TYW1: variants seen among roughly 807,000 people sequenced by gnomAD.
TYW1 encodes tRNA-yW synthesizing protein 1 homolog, also known as S-adenosyl-L-methionine-dependent tRNA 4-demethylwyosine synthase TYW1.
TYW1 carries 46 observed loss-of-function variants against 96.2 expected under a neutral mutation model. The observed-to-expected ratio is 0.48, with a 90% CI of 0.38 to 0.61. The LOEUF (loss-of-function observed/expected upper bound fraction) is 0.61. Among genes scored for constraint, TYW1 ranks in the 20% least tolerant of loss-of-function variants. The probability of loss-of-function intolerance (pLI) is 0.00; values close to 1 mark genes in which losing one functional copy is unlikely to be tolerated. For missense variants in TYW1, 684 were observed against 909.6 expected (o/e 0.75, Z 3.19); for synonymous variants, 274 against 323.0 (o/e 0.85, Z 1.63).
At chr7:67,181,981 G>A (rs1173128952) in intron 13 of TYW1, among the ~76,000 whole-genome samples, 6 of 151,820 alleles carry the variant, frequency 4.0e-5, no homozygotes, top group African/African-American at 7.3e-5. Context: ...GGTGCATGCC[G>A]CCACGCCTGG....
chr7:67,203,172 C>T (rs1389666914), intron 15 of TYW1, among the ~76,000 whole-genome samples: 1 of 152,212 alleles, frequency 6.6e-6, no homozygotes, highest in Non-Finnish European at 1.5e-5. Flanking sequence ...CGCTAATCTC[C>T]TCCATCTCTG....
intron 10 of TYW1, among the ~76,000 whole-genome samples, chr7:67,083,064 C>T (rs780715434): frequency 3.9e-5 from 6 of 152,116 alleles, no homozygotes; most frequent in Non-Finnish European, 5.9e-5. Flanking sequence ...TTCCAGCTGT[C>T]GTCACTCACT....
chr7:67,086,701 T>C (rs2687006), intron 11 of TYW1, among the ~76,000 whole-genome samples: 1 of 152,234 alleles, frequency 6.6e-6, no homozygotes, highest in Admixed American at 6.5e-5. Flanking sequence ...TTGGATGAGG[T>C]CCATCCACAT....
intron 13 of TYW1, among the ~76,000 whole-genome samples, chr7:67,142,231 G>GA (rs34397964): frequency 0.26 from 39,325 of 151,688 alleles, 5,583 homozygotes; most frequent in African/African-American, 0.38. Context: ...GAGCAGCTGA[G>GA]ACTACAGGCA....
chr7:67,012,447 A>G (rs1793844908), intron 4 of TYW1, among the ~76,000 whole-genome samples: 1 of 152,118 alleles, frequency 6.6e-6, no homozygotes, highest in South Asian at 2.1e-4. Flanking sequence ...AACTCTGTCC[A>G]TTTCTTTGTC....
At chr7:67,216,802 T>C (rs1801208829) in intron 15 of TYW1, among the ~76,000 whole-genome samples, 1 of 151,242 alleles carries the variant, frequency 6.6e-6, no homozygotes, top group African/African-American at 2.4e-5. Context: ...TCTAAGTTTG[T>C]TACAATTTCC....
At chr7:67,207,855 G>A (rs1300460792) in intron 15 of TYW1, among the ~76,000 whole-genome samples, 1 of 151,476 alleles carries the variant, frequency 6.6e-6, no homozygotes, top group Non-Finnish European at 1.5e-5. Flanking sequence ...TAAGTAACTG[G>A]GACTACAGGT....
chr7:67,141,066 T>C (rs2116112113), intron 13 of TYW1, among the ~76,000 whole-genome samples: 1 of 152,342 alleles, frequency 6.6e-6, no homozygotes, highest in Admixed American at 6.5e-5. Context: ...ATTTTCTATT[T>C]TGTAGGTTAT....
intron 13 of TYW1, among the ~76,000 whole-genome samples, chr7:67,161,490 T>C (rs1799161223): frequency 6.6e-6 from 1 of 152,208 alleles, no homozygotes; most frequent in Admixed American, 6.5e-5. Flanking sequence ...TGCAGGCTCA[T>C]CTTGAGTAGG....
intron 8 of TYW1, among the ~76,000 whole-genome samples, chr7:67,054,787 G>C (rs947092508): frequency 6.6e-6 from 1 of 152,152 alleles, no homozygotes; most frequent in African/African-American, 2.4e-5. Flanking sequence ...GGTATTGAAT[G>C]CTTTCTGAAA....
At chr7:67,160,333 CAT>C (rs933215308) in intron 13 of TYW1, among the ~76,000 whole-genome samples, 19 of 152,106 alleles carry the variant, frequency 1.2e-4, no homozygotes, top group Non-Finnish European at 1.8e-4. Context: ...ATTTTTGTTA[CAT>C]GTGTCTATTG....
At chr7:67,069,312 C>G (rs1326540876) in intron 10 of TYW1, among the ~76,000 whole-genome samples, 1 of 152,212 alleles carries the variant, frequency 6.6e-6, no homozygotes, top group Non-Finnish European at 1.5e-5. Flanking sequence ...ATAAACAGCT[C>G]TGTCCCTCCT....
chr7:67,023,913 A>G (rs1412780397), intron 6 of TYW1, among the ~76,000 whole-genome samples: 1 of 152,210 alleles, frequency 6.6e-6, no homozygotes, highest in East Asian at 1.9e-4. Context: ...TTCCTCATCT[A>G]TGAGATGATG....
intron 13 of TYW1, among the ~76,000 whole-genome samples, chr7:67,154,775 A>C (rs1030152574): frequency 4.6e-5 from 7 of 152,086 alleles, no homozygotes; most frequent in African/African-American, 1.7e-4. Flanking sequence ...TAGGTTTTTT[A>C]TGCCTTTGTC....
intron 13 of TYW1, among the ~76,000 whole-genome samples, chr7:67,143,847 T>C (rs1173858152): frequency 6.6e-6 from 1 of 152,212 alleles, no homozygotes. Context: ...CAAGTAATCA[T>C]TTGACAGAAG....
rs771706552 is a variant in TYW1 at position 67,226,276 on chromosome 7, G to A, written c.1978-12032G>A. 2.6e-5 allele frequency among the ~76,000 whole-genome samples: 4 copies of A among 152,150 alleles called. No homozygotes were observed. In the East Asian group the frequency reaches 7.7e-4, roughly 29 times the overall value. The stretch of plus-strand genomic sequence containing the variant: ...CAAACCTCCTTCTTGCTAGGGACCC[G>A]ATGGCCTTTGTAGGACTAAGAAATT... On this transcript the variant is annotated intron_variant, in intron 15 of 15. Coordinates refer to ENST00000359626, the MANE Select transcript of TYW1 (RefSeq NM_018264.4).
chr7:67,197,892 T>G, intron 15 of TYW1, among the ~76,000 whole-genome samples: 1 of 151,672 alleles, frequency 6.6e-6, no homozygotes, highest in Non-Finnish European at 1.5e-5. Context: ...GCCATTTGCT[T>G]GTTCTCTTGC....
intron 13 of TYW1, among the ~76,000 whole-genome samples, chr7:67,141,049 AG>A (rs1798432789): frequency 6.6e-6 from 1 of 152,214 alleles, no homozygotes; most frequent in Non-Finnish European, 1.5e-5. Context: ...TAACCTAGAA[AG>A]CTAGTATTTT....
chr7:67,062,630 C>T (rs1300290441), intron 9 of TYW1, among the ~76,000 whole-genome samples: 2 of 147,778 alleles, frequency 1.4e-5, no homozygotes, highest in Non-Finnish European at 3.0e-5. Context: ...AATATTATTA[C>T]AGGTCCTGCA....
Sources: allele counts gnomAD v4.1 joint callset (sites outside exome capture counted in the v4.1 genomes callset), GRCh38; gene constraint gnomAD v4.1.1; transcripts MANE v1.5; gene names NCBI Gene and HGNC (gene_info 2026-07-23, HGNC 2026-07-21).